The following ZNF277 variants were observed in gnomAD, a reference collection of about 807,000 sequenced individuals.
ZNF277 encodes zinc finger protein 277.
A neutral mutation model predicts 60.7 loss-of-function variants in ZNF277; 55 were observed. The observed-to-expected ratio is 0.91, with a 90% CI of 0.73 to 1.13. The LOEUF is 1.13. ZNF277 is among the 50% of genes most tolerant of loss of function. ZNF277 has a pLI of 0.00. For synonymous variants in ZNF277, 178 were observed against 179.3 expected, an observed-to-expected ratio of 0.99 and a Z score of 0.06; for missense variants, 510 against 523.0, an observed-to-expected ratio of 0.98 and a Z score of 0.24.
chr7:112,213,192 C>G (rs185396319), intron 1 of ZNF277, among the ~76,000 whole-genome samples: 106 of 152,298 alleles, frequency 7.0e-4, no homozygotes, highest in African/African-American at 1.9e-3. Flanking sequence ...TGCACAAGCT[C>G]TCTCTTTGCT....
chr7:112,332,824 AT>A (rs1458934210), intron 7 of ZNF277, among the ~76,000 whole-genome samples: 1 of 152,200 alleles, frequency 6.6e-6, no homozygotes, highest in African/African-American at 2.4e-5. Flanking sequence ...GAAGAAGCCT[AT>A]TGGCTTCACT....
At chr7:112,285,113 T>G (rs946656368) in intron 1 of ZNF277, among the ~76,000 whole-genome samples, 1 of 152,204 alleles carries the variant, frequency 6.6e-6, no homozygotes, top group Non-Finnish European at 1.5e-5. Flanking sequence ...CACTGAAACC[T>G]CCACCACCTG....
chr7:112,300,692 A>G (rs767260407), intron 4 of ZNF277, among the ~76,000 whole-genome samples: 2 of 152,084 alleles, frequency 1.3e-5, no homozygotes, highest in Non-Finnish European at 2.9e-5. Flanking sequence ...AAACTTTTCC[A>G]TTTGGATTTC....
chr7:112,295,491 C>A (rs1436756052), intron 2 of ZNF277, among the ~76,000 whole-genome samples: 2 of 152,054 alleles, frequency 1.3e-5, no homozygotes, highest in Non-Finnish European at 2.9e-5. Context: ...CTCTTTACTG[C>A]AGAGTGTGTC....
Position 112,343,626 on chromosome 7 carries a change from C to T in ZNF277, c.*897C>T, listed in dbSNP as rs1793484977. On this transcript the variant is annotated 3_prime_UTR_variant, in exon 12 of 12. Coordinates refer to ENST00000361822, the MANE Select transcript of ZNF277 (RefSeq NM_021994.3). ...GCATAATTTGGATATAATGAAGAAA[C>T]AGTCAAATCCAAGTTTGAGGCTGGG... Among the ~76,000 whole-genome samples the T allele has an allele frequency of 6.6e-6, 1 of 151,916 alleles. No individual in the cohort carries two copies. Among genetic ancestry groups the T allele is most frequent in the South Asian group, 2.1e-4 (1 of 4,824 alleles).
intron 4 of ZNF277, among the ~76,000 whole-genome samples, chr7:112,315,324 A>G (rs1462317632): frequency 2.0e-5 from 3 of 152,104 alleles, no homozygotes; most frequent in African/African-American, 7.2e-5. Context: ...TTCTAGGTTA[A>G]AAGGAAGAAC....
At chr7:112,230,099 G>A (rs917305934) in intron 1 of ZNF277, among the ~76,000 whole-genome samples, 8 of 145,812 alleles carry the variant, frequency 5.5e-5, no homozygotes, top group African/African-American at 1.7e-4. Flanking sequence ...CTTTAAGTGG[G>A]TGAGTAATAT....
intron 4 of ZNF277, among the ~76,000 whole-genome samples, chr7:112,313,278 T>A (rs1001271979): frequency 1.5e-5 from 2 of 137,572 alleles, no homozygotes; most frequent in Non-Finnish European, 3.1e-5. Flanking sequence ...AAGTATGTTT[T>A]AAAATTTTTT....
At chr7:112,224,159 G>GA (rs1240988956) in intron 1 of ZNF277, among the ~76,000 whole-genome samples, 1 of 152,118 alleles carries the variant, frequency 6.6e-6, no homozygotes, top group African/African-American at 2.4e-5. Flanking sequence ...TAAACTGGCA[G>GA]AAAAAATATT....
chr7:112,278,339 T>C (rs1360255701), intron 1 of ZNF277, among the ~76,000 whole-genome samples: 2 of 152,222 alleles, frequency 1.3e-5, no homozygotes, highest in Non-Finnish European at 2.9e-5. Context: ...TTCACTCTTA[T>C]GTGATTTAAT....
chr7:112,304,599 A>C (rs1792549894), intron 4 of ZNF277, among the ~76,000 whole-genome samples: 2 of 152,144 alleles, frequency 1.3e-5, no homozygotes, highest in African/African-American at 4.8e-5. Context: ...AATTTACTGA[A>C]CTTTTTATAC....
chr7:112,214,409 T>C (rs1821830407), intron 1 of ZNF277, among the ~76,000 whole-genome samples: 1 of 152,206 alleles, frequency 6.6e-6, no homozygotes, highest in Non-Finnish European at 1.5e-5. Flanking sequence ...TCTGAATGAG[T>C]TGGCTTTTCA....
intron 1 of ZNF277, among the ~76,000 whole-genome samples, chr7:112,247,278 G>T (rs1749071446): frequency 6.6e-6 from 1 of 152,152 alleles, no homozygotes; most frequent in African/African-American, 2.4e-5. Flanking sequence ...CTCTCTACTT[G>T]TATTCATTTT....
At chr7:112,257,607 CTTTA>C (rs1430451288) in intron 1 of ZNF277, among the ~76,000 whole-genome samples, 1 of 152,024 alleles carries the variant, frequency 6.6e-6, no homozygotes, top group African/African-American at 2.4e-5. Context: ...TGTTATTAGA[CTTTA>C]TTTAATCGTG....
chr7:112,214,356 A>G (rs1427839217), intron 1 of ZNF277, among the ~76,000 whole-genome samples: 1 of 152,182 alleles, frequency 6.6e-6, no homozygotes, highest in Non-Finnish European at 1.5e-5. Flanking sequence ...CTTTGCCACA[A>G]AATTAGGGTT....
At chr7:112,244,219 A>C (rs1167481809) in intron 1 of ZNF277, among the ~76,000 whole-genome samples, 2 of 152,182 alleles carry the variant, frequency 1.3e-5, no homozygotes, top group Admixed American at 1.3e-4. Context: ...TAAAAGCTTC[A>C]CTGCTGTGAG....
At chr7:112,278,421 G>C (rs1008713386) in intron 1 of ZNF277, among the ~76,000 whole-genome samples, 1 of 152,074 alleles carries the variant, frequency 6.6e-6, no homozygotes, top group African/African-American at 2.4e-5. Flanking sequence ...ATAGATATCA[G>C]TGCATATGAT....
intron 1 of ZNF277, among the ~76,000 whole-genome samples, chr7:112,220,237 A>G (rs888448495): frequency 2.0e-5 from 3 of 151,640 alleles, no homozygotes; most frequent in Non-Finnish European, 2.9e-5. Context: ...TCAGTATTTT[A>G]TAGTTTTCCC....
intron 6 of ZNF277, 98 bp downstream of exon 6, chr7:112,327,925 G>T (rs545995836): frequency 2.3e-4 from 185 of 809,996 alleles, no homozygotes; most frequent in Admixed American, 4.9e-4. Flanking sequence ...TTAAAGAAGT[G>T]GGAATTTCCC....
Sources: gnomAD v4.1 joint callset for allele counts (sites outside exome capture counted in the v4.1 genomes callset) on GRCh38, gnomAD v4.1.1 for gene constraint, MANE v1.5 for transcripts, NCBI Gene and HGNC (gene_info 2026-07-23, HGNC 2026-07-21) for gene names.